SGCZ: variants seen among roughly 807,000 people sequenced by gnomAD.
The protein encoded by SGCZ is sarcoglycan zeta.
In SGCZ, 40 loss-of-function variants were observed where a neutral mutation model predicts 41.3. The ratio of observed to expected loss-of-function variants is 0.97; its 90% CI spans 0.75 to 1.26. The LOEUF (loss-of-function observed/expected upper bound fraction) is 1.26. SGCZ is among the 50% of genes most tolerant of loss of function. SGCZ has a pLI of 0.00. For synonymous variants in SGCZ, 206 were observed against 137.5 expected, an observed-to-expected ratio of 1.50 and a Z score of -3.49; for missense variants, 552 against 369.8, an observed-to-expected ratio of 1.49 and a Z score of -4.04.
chr8:14,957,643 T>G (rs1293480068), intron 1 of SGCZ, among the ~76,000 whole-genome samples: 1 of 151,980 alleles, frequency 6.6e-6, no homozygotes, highest in Non-Finnish European at 1.5e-5. Context: ...ATATATTGTT[T>G]TAAAGCTACT....
intron 1 of SGCZ, among the ~76,000 whole-genome samples, chr8:14,834,170 A>AT (rs559815236): frequency 1.9e-3 from 287 of 152,164 alleles, no homozygotes; most frequent in Middle Eastern, 0.01. Flanking sequence ...TTTGTAATTG[A>AT]TTTTTTCCTG....
intron 1 of SGCZ, among the ~76,000 whole-genome samples, chr8:14,648,483 G>A (rs573447281): frequency 6.6e-6 from 1 of 152,042 alleles, no homozygotes; most frequent in Non-Finnish European, 1.5e-5. Context: ...TTAGTACATT[G>A]TGACATGTTA....
chr8:14,918,058 C>T (rs1799489461), intron 1 of SGCZ, among the ~76,000 whole-genome samples: 1 of 152,108 alleles, frequency 6.6e-6, no homozygotes, highest in African/African-American at 2.4e-5. Flanking sequence ...GTAGCAAAGC[C>T]AAGACTTCTG....
At chr8:14,921,745 T>C (rs1284706526) in intron 1 of SGCZ, among the ~76,000 whole-genome samples, 2 of 152,200 alleles carry the variant, frequency 1.3e-5, no homozygotes, top group Admixed American at 6.5e-5. Context: ...GACAACTTTG[T>C]GTTTTTTCCA....
At chr8:14,203,229 T>C (rs761427806) in intron 4 of SGCZ, among the ~76,000 whole-genome samples, 7 of 152,224 alleles carry the variant, frequency 4.6e-5, no homozygotes, top group Non-Finnish European at 8.8e-5. Context: ...TGTTTGAATT[T>C]TAACTTTCAA....
intron 4 of SGCZ, among the ~76,000 whole-genome samples, chr8:14,168,855 T>A (rs1804288940): frequency 6.6e-6 from 1 of 152,176 alleles, no homozygotes; most frequent in Admixed American, 6.5e-5. Flanking sequence ...CAAACAAAAC[T>A]TCAAGTTAAC....
At chr8:14,572,638 C>G (rs1042373951) in intron 1 of SGCZ, among the ~76,000 whole-genome samples, 6 of 152,132 alleles carry the variant, frequency 3.9e-5, no homozygotes, top group African/African-American at 1.4e-4. Flanking sequence ...ACTTTCAAAG[C>G]CATACCCTAC....
At chr8:14,600,682 C>G (rs1304622735) in intron 1 of SGCZ, among the ~76,000 whole-genome samples, 1 of 152,200 alleles carries the variant, frequency 6.6e-6, no homozygotes, top group African/African-American at 2.4e-5. Context: ...CACTCTGATT[C>G]AGCCTGTGAT....
intron 1 of SGCZ, among the ~76,000 whole-genome samples, chr8:14,603,841 G>GA (rs753196018): frequency 3.3e-5 from 5 of 152,032 alleles, no homozygotes; most frequent in Admixed American, 6.6e-5. Flanking sequence ...GCACTCCTCA[G>GA]AAAAGCATGC....
chr8:14,812,785 C>T (rs1010830651), intron 1 of SGCZ, among the ~76,000 whole-genome samples: 6 of 152,052 alleles, frequency 3.9e-5, no homozygotes, highest in African/African-American at 1.4e-4. Flanking sequence ...ATAGTTATTG[C>T]TGTGAGTCTT....
chr8:14,775,055 C>G (rs1039649428), intron 1 of SGCZ, among the ~76,000 whole-genome samples: 1 of 152,006 alleles, frequency 6.6e-6, no homozygotes, highest in Admixed American at 6.6e-5. Flanking sequence ...TTATAGTATA[C>G]TAAATTGTAA....
At chr8:15,151,207 C>T (rs1164462594) in intron 1 of SGCZ, among the ~76,000 whole-genome samples, 1 of 152,194 alleles carries the variant, frequency 6.6e-6, no homozygotes, top group African/African-American at 2.4e-5. Context: ...GCACATAGAC[C>T]CTCCTATTCT....
At chr8:15,084,619 A>T (rs1268109546) in intron 1 of SGCZ, among the ~76,000 whole-genome samples, 1 of 151,982 alleles carries the variant, frequency 6.6e-6, no homozygotes, top group Non-Finnish European at 1.5e-5. Context: ...GGGCGTGGTA[A>T]TGCATGTCTG....
chr8:14,479,720 G>A (rs1801468773), intron 2 of SGCZ, among the ~76,000 whole-genome samples: 1 of 127,652 alleles, frequency 7.8e-6, no homozygotes, highest in Non-Finnish European at 1.6e-5. Flanking sequence ...CATACCTCCA[G>A]AATTCTACTT....
At chr8:15,073,479 AG>A (rs1805425199) in intron 1 of SGCZ, among the ~76,000 whole-genome samples, 3 of 152,196 alleles carry the variant, frequency 2.0e-5, no homozygotes, top group Admixed American at 6.5e-5. Context: ...TTTATGTGTC[AG>A]CCTGGCTAGG....
chr8:14,377,032 C>T (rs758161475), intron 2 of SGCZ, among the ~76,000 whole-genome samples: 45 of 152,088 alleles, frequency 3.0e-4, no homozygotes, highest in Non-Finnish European at 4.7e-4. Context: ...AACCCCTTTC[C>T]GCCATATCTG....
chr8:14,505,071 C>T (rs920838919), intron 2 of SGCZ, among the ~76,000 whole-genome samples: 1 of 152,062 alleles, frequency 6.6e-6, no homozygotes, highest in Non-Finnish European at 1.5e-5. Context: ...ATGGCTTGAG[C>T]TCATGGGTTC....
intron 4 of SGCZ, among the ~76,000 whole-genome samples, chr8:14,224,436 C>T (rs1187997513): frequency 1.3e-5 from 2 of 152,144 alleles, no homozygotes; most frequent in Admixed American, 1.3e-4. Context: ...GAAAGGGATG[C>T]AGCAGTGAGT....
At chr8:14,674,928 G>GCTGTTTTTTTTTT in intron 1 of SGCZ, among the ~76,000 whole-genome samples, 1 of 71,010 alleles carries the variant, frequency 1.4e-5, no homozygotes, top group East Asian at 4.9e-4. Context: ...TTTCTTTTCT[G>GCTGTTTTTTTTTT]TTTTTTTTTT....
Sources: allele counts gnomAD v4.1 joint callset (sites outside exome capture counted in the v4.1 genomes callset), GRCh38; gene constraint gnomAD v4.1.1; transcripts MANE v1.5; gene names NCBI Gene and HGNC (gene_info 2026-07-23, HGNC 2026-07-21).